SCN10A: variants seen among roughly 807,000 people sequenced by gnomAD.
SCN10A encodes the protein sodium channel protein type 10 subunit alpha.
In SCN10A, 162 loss-of-function variants were observed where a neutral mutation model predicts 170.7. That is an observed-to-expected ratio of 0.95 (90% CI 0.84 to 1.08). SCN10A has a LOEUF of 1.08. Ranked by LOEUF, SCN10A falls within the 50% of genes least tolerant of loss-of-function variation. SCN10A has a pLI of 0.00. For missense variants in SCN10A, 2,527 were observed against 2,436.9 expected (o/e 1.04, Z -0.78); for synonymous variants, 985 against 904.6 (o/e 1.09, Z -1.59).
chr3:38,765,691 T>G (rs1189458187), intron 5 of SCN10A, among the ~76,000 whole-genome samples: 2 of 152,330 alleles, frequency 1.3e-5, no homozygotes, highest in Non-Finnish European at 2.9e-5. Context: ...AGTCTTGCTT[T>G]GGCTATGTGG....
intron 11 of SCN10A, among the ~76,000 whole-genome samples, chr3:38,753,672 A>G (rs1439922279): frequency 1.3e-5 from 2 of 152,226 alleles, no homozygotes; most frequent in Non-Finnish European, 2.9e-5. Flanking sequence ...AGAAAAATTG[A>G]CACATCCATA....
chr3:38,751,344 C>T (rs965801034), intron 12 of SCN10A, among the ~76,000 whole-genome samples: 5 of 152,190 alleles, frequency 3.3e-5, no homozygotes, highest in Non-Finnish European at 7.3e-5. Flanking sequence ...TTATTCATTC[C>T]CTAAGCCCAG....
intron 6 of SCN10A, among the ~76,000 whole-genome samples, 194 bp downstream of exon 6, chr3:38,763,311 G>C (rs1167298478): frequency 6.6e-6 from 1 of 152,182 alleles, no homozygotes; most frequent in Non-Finnish European, 1.5e-5. Flanking sequence ...TGGGACAATA[G>C]GCTTCCAGGT....
chr3:38,813,415 A>G (rs1284850439), intron 1 of SCN10A, among the ~76,000 whole-genome samples: 4 of 152,194 alleles, frequency 2.6e-5, no homozygotes, highest in Non-Finnish European at 5.9e-5. Context: ...CAGTTTCTTT[A>G]TATATAAAAT....
At chr3:38,811,924 G>A (rs375810569) in intron 1 of SCN10A, among the ~76,000 whole-genome samples, 4 of 152,138 alleles carry the variant, frequency 2.6e-5, no homozygotes, top group South Asian at 2.1e-4. Context: ...CTGAACCAGC[G>A]GGCCAACCAG....
intron 15 of SCN10A, among the ~76,000 whole-genome samples, chr3:38,739,080 C>A (rs577774022): frequency 2.1e-4 from 32 of 152,230 alleles, no homozygotes; most frequent in African/African-American, 7.5e-4. Context: ...CATCATGGAA[C>A]CATTCTTTTT....
At chr3:38,783,520 G>A (rs545175018) in intron 4 of SCN10A, among the ~76,000 whole-genome samples, 1 of 151,966 alleles carries the variant, frequency 6.6e-6, no homozygotes, top group East Asian at 1.9e-4. Flanking sequence ...CATCCTTATT[G>A]TTGTGCAGCA....
At chr3:38,762,041 A>G (rs2063880513) in intron 6 of SCN10A, among the ~76,000 whole-genome samples, 1 of 152,238 alleles carries the variant, frequency 6.6e-6, no homozygotes, top group South Asian at 2.1e-4. Context: ...CACAGCTGGC[A>G]GCAAAGAAGG....
intron 26 of SCN10A, among the ~76,000 whole-genome samples, chr3:38,705,875 T>C (rs1373704725): frequency 6.6e-6 from 1 of 152,318 alleles, no homozygotes; most frequent in East Asian, 1.9e-4. Flanking sequence ...AGGGTCCTCC[T>C]CTCATTACCC....
intron 1 of SCN10A, among the ~76,000 whole-genome samples, chr3:38,815,641 G>A (rs1367460320): frequency 2.0e-5 from 3 of 152,170 alleles, no homozygotes; most frequent in South Asian, 2.1e-4. Context: ...TAACAACTTC[G>A]TCAATACTAC....
At chr3:38,732,150 T>C (rs773407415) in intron 15 of SCN10A, among the ~76,000 whole-genome samples, 1 of 152,184 alleles carries the variant, frequency 6.6e-6, no homozygotes, top group Non-Finnish European at 1.5e-5. Context: ...AAGAGACTGG[T>C]CATATAGTCT....
chr3:38,697,073 C>G lies in SCN10A; in HGVS notation c.*276G>C, dbSNP rs1007382331. 4.3e-6 allele frequency: 2 copies of G among 466,064 alleles called. No individual in the cohort carries two copies. The highest frequency in any genetic ancestry group is 3.9e-5 in the African/African-American group (2 of 51,718). The allele number at this position is 466,064 out of a possible 1,614,324, so 28.9% of individuals were successfully genotyped here. On this transcript the variant is annotated 3_prime_UTR_variant, in exon 28 of 28. Coordinates refer to ENST00000449082, the MANE Select transcript of SCN10A (RefSeq NM_006514.4). ...TCTGATTACAACAAAAATAAAAGGA[C>G]AAGGGATATTTTCTGGAGAGTAAGA...
chr3:38,729,768 A>T (rs1478240150), intron 15 of SCN10A, among the ~76,000 whole-genome samples: 1 of 152,250 alleles, frequency 6.6e-6, no homozygotes, highest in African/African-American at 2.4e-5. Flanking sequence ...AGGTGTGTTT[A>T]TGGAGCACCT....
chr3:38,714,210 A>T, intron 21 of SCN10A, 130 bp from the exon 22 acceptor site: 1 of 1,082,158 alleles, frequency 9.2e-7, no homozygotes. Flanking sequence ...CTCCCACCTT[A>T]TTCGGAACTC....
chr3:38,791,285 A>G (rs1029298791), intron 3 of SCN10A, among the ~76,000 whole-genome samples: 7 of 152,184 alleles, frequency 4.6e-5, no homozygotes, highest in Non-Finnish European at 7.3e-5. Flanking sequence ...ATCACCCAGG[A>G]AGATCTTAGG....
intron 27 of SCN10A, among the ~76,000 whole-genome samples, chr3:38,699,219 G>A (rs967989731): frequency 2.9e-5 from 4 of 138,170 alleles, no homozygotes; most frequent in Non-Finnish European, 6.2e-5. Context: ...TTTTTTTTCG[G>A]TTCCAGCTGT....
chr3:38,746,075 A>ATGTGTG (rs1321412735), intron 13 of SCN10A, among the ~76,000 whole-genome samples: 10 of 83,594 alleles, frequency 1.2e-4, no homozygotes, highest in African/African-American at 2.9e-4. Flanking sequence ...ATATATATAT[A>ATGTGTG]TATATATATA....
chr3:38,763,553 G>T lies in SCN10A; in HGVS notation c.643C>A (p.Arg215=), dbSNP rs774876702. ...AIDLRGISGL[R]TFRVLRALKT... is the part of the protein sequence containing the mutation. ...AATGCTCTAAGAACTCTGAATGTCC[G>T]CAGGCCTGAGATCCCACGGAGATCT... Residue 215 remains arginine, a synonymous_variant, in exon 6 of 28, where the codon CGG becomes AGG. Coordinates refer to ENST00000449082, the MANE Select transcript of SCN10A (RefSeq NM_006514.4). The T allele has an allele frequency of 1.9e-6, 3 of 1,613,906 alleles. No individual in the cohort carries two copies. The highest frequency in any genetic ancestry group is 2.2e-5 in the East Asian group (1 of 44,900).
chr3:38,773,799 G>T (rs2064038586), intron 4 of SCN10A, among the ~76,000 whole-genome samples: 1 of 152,192 alleles, frequency 6.6e-6, no homozygotes, highest in Non-Finnish European at 1.5e-5. Flanking sequence ...ACTGTAACAG[G>T]AAGATGAGGG....
Sources: gnomAD v4.1 joint callset for allele counts (sites outside exome capture counted in the v4.1 genomes callset) on GRCh38, gnomAD v4.1.1 for gene constraint, MANE v1.5 for transcripts, NCBI Gene and HGNC (gene_info 2026-07-23, HGNC 2026-07-21) for gene names.